FOXQ1: variants seen among roughly 807,000 people sequenced by gnomAD.
FOXQ1 encodes the protein forkhead box protein Q1.
FOXQ1 carries 1 observed loss-of-function variant against 0.6 expected under a neutral mutation model. That is an observed-to-expected ratio of 1.73 (90% CI 0.61 to 8.20). The LOEUF (loss-of-function observed/expected upper bound fraction) is 8.20. Among genes scored for constraint, FOXQ1 ranks in the 30% most tolerant of loss-of-function variants. FOXQ1 has a pLI of 0.13. For missense variants in FOXQ1, 734 were observed against 595.6 expected, an observed-to-expected ratio of 1.23 and a Z score of -2.42; for synonymous variants, 377 against 294.4, an observed-to-expected ratio of 1.28 and a Z score of -2.87.
Position 1,312,654 on chromosome 6 carries a change from G to A in FOXQ1, c.-51G>A, listed in dbSNP as rs964218518. On this transcript the variant is annotated 5_prime_UTR_variant, in exon 1 of 1. Coordinates refer to ENST00000296839, the MANE Select transcript of FOXQ1 (RefSeq NM_033260.4). ...CCTTCCCTGGCACCAGCTTCTCTAG[G>A]CTGCGCGAAGGAAGAGGGTACGACG... 1.6e-6 allele frequency: 2 copies of A among 1,283,798 alleles called. No individual in the cohort carries two copies. The highest frequency in any genetic ancestry group is 2.0e-6 in the Non-Finnish European group (2 of 1,016,338). The allele number at this position is 1,283,798 out of a possible 1,614,324, so 79.5% of individuals were successfully genotyped here. A position where few individuals can be genotyped will look rare whatever the true frequency, so the allele number is the denominator to read the frequency against.
rs1319659900 is a variant in FOXQ1 at position 1,313,769 on chromosome 6, G to A, written c.1065G>A (p.Ala355=). ...CCCTCCTGCTTGCACCTCTCCCGGCGGCGGCCCCCGCCAAGCCACTCCGAG... is the reference window on the plus strand; with the variant it reads ...CCCTCCTGCTTGCACCTCTCCCGGCAGCGGCCCCCGCCAAGCCACTCCGAG... ...APPLLLAPLP[A]AAPAKPLRGP... is the part of the protein sequence containing the mutation. Residue 355 remains alanine, a synonymous_variant, in exon 1 of 1, where the codon GCG becomes GCA. Coordinates refer to ENST00000296839, the MANE Select transcript of FOXQ1 (RefSeq NM_033260.4). This position sits in a 1 kb window ranked among gnomAD's most constrained non-coding sequence, Gnocchi z 5.2. 1.9e-5 allele frequency: 24 copies of A among 1,235,104 alleles called. 2 individuals carry two copies. In the South Asian group the frequency reaches 7.2e-4, roughly 37 times the overall value. The allele number at this position is 1,235,104 out of a possible 1,614,324, so 76.5% of individuals were successfully genotyped here.
rs1757594988 is a variant in FOXQ1 at position 1,313,805 on chromosome 6, C to T, written c.1101C>T (p.Ala367=). The T allele has an allele frequency of 1.6e-6, 2 of 1,277,382 alleles. No individual in the cohort carries two copies. The highest frequency in any genetic ancestry group is 5.4e-5 in the South Asian group (2 of 37,216). The allele number at this position is 1,277,382 out of a possible 1,614,324, so 79.1% of individuals were successfully genotyped here. ...APAKPLRGPA[A]GGAHLYCPLR... Reference sequence around the variant, plus strand: ...CCAAGCCACTCCGAGGCCCGGCGGCCGGCGGCGCGCACCTGTACTGCCCCC... The same window carrying T: ...CCAAGCCACTCCGAGGCCCGGCGGCTGGCGGCGCGCACCTGTACTGCCCCC... The change falls in exon 1 of 1, where the codon GCC becomes GCT. Residue 367 remains alanine, a synonymous_variant. Coordinates refer to ENST00000296839, the MANE Select transcript of FOXQ1 (RefSeq NM_033260.4). This position sits in a 1 kb window ranked among gnomAD's most constrained non-coding sequence, Gnocchi z 5.2.
In FOXQ1 at chr6:1,312,894, G is replaced by A. The variant is rs771298091; in HGVS notation, c.190G>A (p.Gly64Ser). The A allele has an allele frequency of 3.9e-6, 5 of 1,282,398 alleles. No homozygotes were observed. Among genetic ancestry groups the A allele is most frequent in the Non-Finnish European group, 4.9e-6 (5 of 1,017,676 alleles). The allele number at this position is 1,282,398 out of a possible 1,614,324, so 79.4% of individuals were successfully genotyped here. The change falls in exon 1 of 1, where the codon GGC becomes AGC. Residue 64 changes from glycine to serine, a missense_variant. By Grantham distance (56) the Gly-to-Ser change is moderately conservative. Coordinates refer to ENST00000296839, the MANE Select transcript of FOXQ1 (RefSeq NM_033260.4). ...GGGARDTQGD[G>S]EQSAGGGPGA... ...CGGCGCCAGAGATACGCAGGGCGAC[G>A]GCGAACAGAGTGCGGGAGGCGGGCC...
rs1431515941 is a variant in FOXQ1 at position 1,312,157 on chromosome 6, G to T, written c.-548G>T. 1.3e-5 allele frequency among the ~76,000 whole-genome samples: 2 copies of T among 152,234 alleles called. No individual in the cohort carries two copies. The highest frequency in any genetic ancestry group is 2.9e-5 in the Non-Finnish European group (2 of 68,038). On this transcript the variant is annotated 5_prime_UTR_variant, in exon 1 of 1. Transcript: ENST00000296839. Reference sequence around the variant, plus strand: ...TGCCCCGGAGGCTGGGAGCGGGAAGGCGGCTGCGGGCGCAGCGGCCTCGGG... The same window carrying T: ...TGCCCCGGAGGCTGGGAGCGGGAAGTCGGCTGCGGGCGCAGCGGCCTCGGG...
Position 1,313,565 on chromosome 6 carries a change from G to A in FOXQ1, c.861G>A (p.Arg287=), listed in dbSNP as rs766498581. 2 of 1,246,316 alleles carry A rather than the reference G, an allele frequency of 1.6e-6. No homozygotes were observed. Among genetic ancestry groups the A allele is most frequent in the Non-Finnish European group, 2.0e-6 (2 of 977,362 alleles). 77.2% of individuals were successfully genotyped at this position (1,246,316 alleles called of 1,614,324 possible). ...AGCCCTTCCGCAGCCGCCGCCTCAGGGACACGGCCCCCGGGACGACGCTTC... is the reference window on the plus strand; with the variant it reads ...AGCCCTTCCGCAGCCGCCGCCTCAGAGACACGGCCCCCGGGACGACGCTTC... ...LRKPFRSRRL[R]DTAPGTTLQW... Residue 287 remains arginine (R), a synonymous_variant, in exon 1 of 1, where the codon AGG becomes AGA. Transcript: ENST00000296839. This position sits in a 1 kb window ranked among gnomAD's most constrained non-coding sequence, Gnocchi z 5.2.
chr6:1,312,573 C>A lies in FOXQ1; in HGVS notation c.-132C>A. 8.2e-7 allele frequency: 1 copy of A among 1,226,960 alleles called. No individual in the cohort carries two copies. The highest frequency in any genetic ancestry group is 1.0e-6 in the Non-Finnish European group (1 of 980,208). The allele number at this position is 1,226,960 out of a possible 1,614,324, so 76.0% of individuals were successfully genotyped here. A position where few individuals can be genotyped will look rare whatever the true frequency, so the allele number is the denominator to read the frequency against. ...CGGAAAAGTGACTATCTCGGAAGAC[C>A]AGGGTAGAGCTCCCGGGAGAAAAAG... On this transcript the variant is annotated 5_prime_UTR_variant, in exon 1 of 1. Coordinates refer to ENST00000296839, the MANE Select transcript of FOXQ1 (RefSeq NM_033260.4).
Position 1,313,222 on chromosome 6 carries a change from T to C in FOXQ1, c.518T>C (p.Leu173Pro). 3 of 1,609,710 alleles carry C rather than the reference T, an allele frequency of 1.9e-6. No homozygotes were observed. The highest frequency in any genetic ancestry group is 2.5e-6 in the Non-Finnish European group (3 of 1,178,480). Residue 173 changes from leucine (L) to proline (P), a missense_variant, in exon 1 of 1, where the codon CTC (leucine) becomes CCC (proline). Coordinates refer to ENST00000296839, the MANE Select transcript of FOXQ1 (RefSeq NM_033260.4). The surrounding 1 kb of genome is among the most constrained non-coding windows in gnomAD (Gnocchi z 5.2). Reference sequence around the variant, plus strand: ...AACTCCGTGCGCCACAACCTTTCGCTCAACGACTGCTTCGTCAAGGTGCTG... The same window carrying C: ...AACTCCGTGCGCCACAACCTTTCGCCCAACGACTGCTTCGTCAAGGTGCTG... ...WRNSVRHNLSLNDCFVKVLRD... is the reference protein window; with the variant it reads ...WRNSVRHNLSPNDCFVKVLRD...
rs773798384 is a variant in FOXQ1, at chr6:1,313,612, C to A, written c.908C>A (p.Pro303Gln). Residue 303 changes from proline (P) to glutamine (Q), a missense_variant, in exon 1 of 1, where the codon CCG becomes CAG. By Grantham distance (76) the Pro-to-Gln change is moderately conservative (BLOSUM62 -1). Transcript: ENST00000296839. This position sits in a 1 kb window ranked among gnomAD's most constrained non-coding sequence, Gnocchi z 5.2. ...CTTCAGTGGGGCGCCGCGCCCTGCC[C>A]GCCGCTGCCCGCGTTCCCCGCGCTC... ...TTLQWGAAPC[P>Q]PLPAFPALLP... 501 of 1,113,290 alleles carry A rather than the reference C, an allele frequency of 4.5e-4. No homozygotes were observed. The highest frequency in any genetic ancestry group is 5.1e-4 in the Non-Finnish European group (467 of 908,684). The allele number at this position is 1,113,290 out of a possible 1,614,324, so 69.0% of individuals were successfully genotyped here. A position where few individuals can be genotyped will look rare whatever the true frequency, so the allele number is the denominator to read the frequency against.
At position 1,312,790 on chromosome 6, in the gene FOXQ1, C is replaced by T. The variant is rs753952976; in HGVS notation, c.86C>T (p.Pro29Leu). ...DLEGAGGSDA[P>L]SPLSAAGDDS... ...GAGGGCGCGGGCGGCAGCGACGCGC[C>T]GTCCCCGCTGTCGGCGGCGGGAGAC... Residue 29 changes from proline (P) to leucine (L), a missense_variant, in exon 1 of 1, where the codon CCG becomes CTG. Physicochemically the swap from Pro to Leu is moderately conservative, Grantham distance 98 (BLOSUM62 -3). Transcript: ENST00000296839. The T allele has an allele frequency of 7.7e-7, 1 of 1,304,868 alleles. No individual in the cohort carries two copies. The highest frequency in any genetic ancestry group is 9.7e-7 in the Non-Finnish European group (1 of 1,028,510). The allele number at this position is 1,304,868 out of a possible 1,614,324, so 80.8% of individuals were successfully genotyped here.
Position 1,314,392 on chromosome 6 carries a change from G to A in FOXQ1, c.*476G>A, listed in dbSNP as rs573323539. On this transcript the variant is annotated 3_prime_UTR_variant, in exon 1 of 1. Transcript: ENST00000296839. ...AGGTATGACTGAGTGTGAGAGACATGTCAGAGGCTCTTCAGTGATTTCTTG... is the reference window on the plus strand; with the variant it reads ...AGGTATGACTGAGTGTGAGAGACATATCAGAGGCTCTTCAGTGATTTCTTG... 9.9e-4 allele frequency: 166 copies of A among 166,910 alleles called. No individual in the cohort carries two copies. The highest frequency in any genetic ancestry group is 1.6e-3 in the Non-Finnish European group (112 of 68,158). The allele number at this position is 166,910 out of a possible 1,614,324, so 10.3% of individuals were successfully genotyped here. A position where few individuals can be genotyped will look rare whatever the true frequency, so the allele number is the denominator to read the frequency against.
In FOXQ1 at chr6:1,312,142, G is replaced by T. The variant is rs1046559504; in HGVS notation, c.-563G>T. On this transcript the variant is annotated 5_prime_UTR_variant, in exon 1 of 1. Transcript: ENST00000296839. The stretch of plus-strand genomic sequence containing the variant: ...CCAGCGGGGAGATGCTGCCCCGGAG[G>T]CTGGGAGCGGGAAGGCGGCTGCGGG... Among the ~76,000 whole-genome samples, 1 of 152,248 alleles carries T rather than the reference G, an allele frequency of 6.6e-6. No individual in the cohort carries two copies. Among genetic ancestry groups the T allele is most frequent in the Non-Finnish European group, 1.5e-5 (1 of 68,044 alleles).
chr6:1,313,625 G>A lies in FOXQ1; in HGVS notation c.921G>A (p.Ala307=). The change falls in exon 1 of 1, where the codon GCG becomes GCA. Residue 307 remains alanine (A), a synonymous_variant. Transcript: ENST00000296839. This position sits in a 1 kb window ranked among gnomAD's most constrained non-coding sequence, Gnocchi z 5.2. ...CCGCGCCCTGCCCGCCGCTGCCCGC[G>A]TTCCCCGCGCTCCTCCCCGCGGCGC... ...WGAAPCPPLP[A]FPALLPAAPC... The A allele has an allele frequency of 1.8e-6, 2 of 1,100,922 alleles. No homozygotes were observed. Among genetic ancestry groups the A allele is most frequent in the South Asian group, 2.7e-5 (1 of 37,366 alleles). 68.2% of individuals were successfully genotyped at this position (1,100,922 alleles called of 1,614,324 possible). A position where few individuals can be genotyped will look rare whatever the true frequency, so the allele number is the denominator to read the frequency against.
At position 1,312,321 on chromosome 6, in the gene FOXQ1, C is replaced by G. The variant is rs1268915204; in HGVS notation, c.-384C>G. The stretch of plus-strand genomic sequence containing the variant: ...CCGCCAGTGAAGAACCCCTCCTGGG[C>G]TCTTTAACGAGCAGCAGATGCGCAT... On this transcript the variant is annotated 5_prime_UTR_variant, in exon 1 of 1. Coordinates refer to ENST00000296839, the MANE Select transcript of FOXQ1 (RefSeq NM_033260.4). The G allele has an allele frequency of 5.8e-6, 1 of 173,216 alleles. No homozygotes were observed. Among genetic ancestry groups the G allele is most frequent in the African/African-American group, 2.4e-5 (1 of 42,410 alleles). 10.7% of individuals were successfully genotyped at this position (173,216 alleles called of 1,614,324 possible).
Position 1,312,734 on chromosome 6 carries a change from G to A in FOXQ1, c.30G>A (p.Ala10=), listed in dbSNP as rs767809988. ...AGTTGGAGGTGTTCGTCCCTCGCGC[G>A]GCCCACGGGGACAAGCAGGGCAGTG... MKLEVFVPR[A]AHGDKQGSDL... is the part of the protein sequence containing the mutation. The change falls in exon 1 of 1, where the codon GCG becomes GCA. Residue 10 remains alanine (A), a synonymous_variant. Transcript: ENST00000296839. The A allele has an allele frequency of 1.4e-5, 19 of 1,354,446 alleles. No individual in the cohort carries two copies. In the African/African-American group the frequency reaches 2.6e-4, roughly 18 times the overall value. The allele number at this position is 1,354,446 out of a possible 1,614,324, so 83.9% of individuals were successfully genotyped here.
At position 1,313,915 on chromosome 6, in the gene FOXQ1, G is replaced by C. The variant is rs1261963611; in HGVS notation, c.1211G>C (p.Ter404SerextTer28). ...LPYPVETLLA[*>S] is the part of the protein sequence containing the mutation. Reference sequence around the variant, plus strand: ...TACCCGGTGGAGACGCTCCTAGCCTGAGTAGCGCCGCGGGGCCCGGGAACG... The same window carrying C: ...TACCCGGTGGAGACGCTCCTAGCCTCAGTAGCGCCGCGGGGCCCGGGAACG... The change falls in exon 1 of 1, where the codon TGA becomes TCA. Residue 404 changes from the stop codon to serine, a stop_lost. Transcript: ENST00000296839. The surrounding 1 kb of genome is among the most constrained non-coding windows in gnomAD (Gnocchi z 5.2). 2 of 1,237,566 alleles carry C rather than the reference G, an allele frequency of 1.6e-6. No individual in the cohort carries two copies. Among genetic ancestry groups the C allele is most frequent in the African/African-American group, 3.1e-5 (2 of 64,002 alleles). 76.7% of individuals were successfully genotyped at this position (1,237,566 alleles called of 1,614,324 possible).
Position 1,313,223 on chromosome 6 carries a change from C to T in FOXQ1, c.519C>T (p.Leu173=). The T allele has an allele frequency of 2.5e-6, 4 of 1,609,910 alleles. No homozygotes were observed. Among genetic ancestry groups the T allele is most frequent in the Non-Finnish European group, 3.4e-6 (4 of 1,178,584 alleles). ...ACTCCGTGCGCCACAACCTTTCGCTCAACGACTGCTTCGTCAAGGTGCTGC... is the reference window on the plus strand; with the variant it reads ...ACTCCGTGCGCCACAACCTTTCGCTTAACGACTGCTTCGTCAAGGTGCTGC... ...WRNSVRHNLS[L]NDCFVKVLRD... The change falls in exon 1 of 1, where the codon CTC becomes CTT. Residue 173 remains leucine (L), a synonymous_variant. Transcript: ENST00000296839. This position sits in a 1 kb window ranked among gnomAD's most constrained non-coding sequence, Gnocchi z 5.2.
At position 1,312,844 on chromosome 6, in the gene FOXQ1, C is replaced by G. The variant is rs1361577841; in HGVS notation, c.140C>G (p.Ala47Gly). 2.3e-6 allele frequency: 3 copies of G among 1,282,092 alleles called. No individual in the cohort carries two copies. Among genetic ancestry groups the G allele is most frequent in the Middle Eastern group, 2.7e-4 (1 of 3,646 alleles). 79.4% of individuals were successfully genotyped at this position (1,282,092 alleles called of 1,614,324 possible). A position where few individuals can be genotyped will look rare whatever the true frequency, so the allele number is the denominator to read the frequency against. The change falls in exon 1 of 1, where the codon GCG becomes GGG. Residue 47 changes from alanine (A) to glycine (G), a missense_variant. Ala to Gly is a moderately conservative substitution (Grantham distance 60). Coordinates refer to ENST00000296839, the MANE Select transcript of FOXQ1 (RefSeq NM_033260.4). Reference sequence around the variant, plus strand: ...TCCCTGGGCTCAGATGGGGACTGCGCGGCCAACAGCCCGGCCGCGGGCGGC... The same window carrying G: ...TCCCTGGGCTCAGATGGGGACTGCGGGGCCAACAGCCCGGCCGCGGGCGGC... ...DDSLGSDGDC[A>G]ANSPAAGGGA... is the part of the protein sequence containing the mutation.
In FOXQ1 at chr6:1,312,989, G is replaced by T; in HGVS notation, c.285G>T (p.Ala95=). The part of the protein sequence containing the change: ...AVVAEGAEAG[A]AGPGAGGAGS... Reference sequence around the variant, plus strand: ...TGGCGGAGGGCGCGGAGGCCGGGGCGGCGGGGCCAGGCGCGGGCGGCGCGG... The same window carrying T: ...TGGCGGAGGGCGCGGAGGCCGGGGCTGCGGGGCCAGGCGCGGGCGGCGCGG... The change falls in exon 1 of 1, where the codon GCG becomes GCT. Residue 95 remains alanine (A), a synonymous_variant. Transcript: ENST00000296839. 2 of 1,306,060 alleles carry T rather than the reference G, an allele frequency of 1.5e-6. No individual in the cohort carries two copies. Among genetic ancestry groups the T allele is most frequent in the Non-Finnish European group, 1.9e-6 (2 of 1,030,460 alleles). The allele number at this position is 1,306,060 out of a possible 1,614,324, so 80.9% of individuals were successfully genotyped here.
At position 1,312,098 on chromosome 6, in the gene FOXQ1, G is replaced by A. The variant is rs977606566; in HGVS notation, c.-607G>A. ...ATTGGGCCGGCCCGAAGGTGGAGGC[G>A]AGACGCAGCCGCGGCAGGCCAGCGG... On this transcript the variant is annotated 5_prime_UTR_variant, in exon 1 of 1. Transcript: ENST00000296839. Among the ~76,000 whole-genome samples, 2 of 152,224 alleles carry A rather than the reference G, an allele frequency of 1.3e-5. No individual in the cohort carries two copies. The highest frequency in any genetic ancestry group is 2.1e-4 in the South Asian group (1 of 4,830).
Sources: gnomAD v4.1 joint callset for allele counts (sites outside exome capture counted in the v4.1 genomes callset) on GRCh38, gnomAD v4.1.1 for gene constraint, Gnocchi (gnomAD v3.1) non-coding constraint, MANE v1.5 for transcripts, NCBI Gene and HGNC (gene_info 2026-07-23, HGNC 2026-07-21) for gene names.